SPOCK3: variants seen among roughly 807,000 people sequenced by gnomAD.
SPOCK3 encodes SPARC (osteonectin), cwcv and kazal like domains proteoglycan 3, also known as testican-3.
Under a neutral mutation model 56.6 loss-of-function variants are expected in SPOCK3, and 30 were observed. The ratio of observed to expected loss-of-function variants is 0.53; its 90% CI spans 0.40 to 0.72. SPOCK3 has a LOEUF of 0.72. SPOCK3 is among the 30% of genes least tolerant of loss of function. The probability of loss-of-function intolerance (pLI) is 0.00; values close to 1 mark genes in which losing one functional copy is unlikely to be tolerated. For missense variants in SPOCK3, 527 were observed against 530.0 expected, an observed-to-expected ratio of 0.99 and a Z score of 0.06; for synonymous variants, 196 against 183.3, an observed-to-expected ratio of 1.07 and a Z score of -0.56.
intron 2 of SPOCK3, among the ~76,000 whole-genome samples, chr4:167,203,217 C>A (rs1429165271): frequency 6.6e-6 from 1 of 151,684 alleles, no homozygotes; most frequent in Admixed American, 6.6e-5. Context: ...AATATAAGGT[C>A]ATGAAAAATT....
intron 2 of SPOCK3, among the ~76,000 whole-genome samples, chr4:167,143,222 C>T (rs1763675343): frequency 6.6e-6 from 1 of 151,894 alleles, no homozygotes; most frequent in Non-Finnish European, 1.5e-5. Context: ...ACCACACATC[C>T]CTCCCACATT....
chr4:167,185,329 C>T (rs1192700694), intron 2 of SPOCK3, among the ~76,000 whole-genome samples: 1 of 152,060 alleles, frequency 6.6e-6, no homozygotes, highest in African/African-American at 2.4e-5. Flanking sequence ...TGTAATATTC[C>T]CACCATTGAT....
Position 166,800,043 on chromosome 4 carries a change from G to A in SPOCK3, c.590-7754C>T, listed in dbSNP as rs12645340. Among the ~76,000 whole-genome samples, 393 of 151,790 alleles carry A rather than the reference G, an allele frequency of 2.6e-3. 10 individuals carry two copies. The East Asian group carries it at 0.06, about 23-fold the overall frequency. On this transcript the variant is annotated intron_variant, in intron 6 of 10. Coordinates refer to ENST00000357545, the MANE Select transcript of SPOCK3 (RefSeq NM_001040159.2). ...AAACATACAAAAAAATTAGCCGGGC[G>A]TGGTGGCGGGTGCCTGTAGTCCCAG...
intron 4 of SPOCK3, among the ~76,000 whole-genome samples, chr4:166,949,323 G>A (rs904559507): frequency 6.6e-6 from 1 of 152,166 alleles, no homozygotes; most frequent in East Asian, 1.9e-4. Context: ...ATCGTCTGAA[G>A]CCTTCTTCTC....
intron 3 of SPOCK3, among the ~76,000 whole-genome samples, chr4:167,026,121 T>A (rs1310320084): frequency 6.6e-6 from 1 of 152,132 alleles, no homozygotes; most frequent in Admixed American, 6.6e-5. Flanking sequence ...CCATCCTATA[T>A]GTGGTCTGTT....
intron 6 of SPOCK3, among the ~76,000 whole-genome samples, chr4:166,830,833 GACTA>G (rs1242085489): frequency 6.6e-6 from 1 of 152,090 alleles, no homozygotes; most frequent in Non-Finnish European, 1.5e-5. Context: ...ACCAAGGACA[GACTA>G]ACATCTAAAA....
chr4:167,081,581 G>A (rs1433343626), intron 2 of SPOCK3, among the ~76,000 whole-genome samples: 1 of 151,934 alleles, frequency 6.6e-6, no homozygotes, highest in East Asian at 1.9e-4. Flanking sequence ...ACCAAGGATG[G>A]AAAAATACTT....
At chr4:167,063,114 GA>G (rs1303981633) in intron 2 of SPOCK3, among the ~76,000 whole-genome samples, 2 of 151,772 alleles carry the variant, frequency 1.3e-5, no homozygotes, top group East Asian at 1.9e-4. Context: ...TCTAGAGGTT[GA>G]AAAGAATGCA....
chr4:167,051,924 C>A (rs552561512), intron 3 of SPOCK3, among the ~76,000 whole-genome samples: 2 of 152,164 alleles, frequency 1.3e-5, no homozygotes, highest in Non-Finnish European at 2.9e-5. Flanking sequence ...TGATTAACTT[C>A]CTGCTCTATA....
intron 2 of SPOCK3, among the ~76,000 whole-genome samples, chr4:167,208,176 T>A (rs1365563484): frequency 1.3e-5 from 2 of 152,120 alleles, no homozygotes; most frequent in Admixed American, 1.3e-4. Context: ...CTTAAAATAT[T>A]TGTCTTTGAA....
At chr4:167,089,647 G>T (rs1288300879) in intron 2 of SPOCK3, among the ~76,000 whole-genome samples, 1 of 152,050 alleles carries the variant, frequency 6.6e-6, no homozygotes, top group African/African-American at 2.4e-5. Flanking sequence ...TTTATGGGAG[G>T]TCTAATTTAT....
At chr4:166,743,134 T>A (rs1735082280) in intron 8 of SPOCK3, among the ~76,000 whole-genome samples, 1 of 152,056 alleles carries the variant, frequency 6.6e-6, no homozygotes, top group Non-Finnish European at 1.5e-5. Flanking sequence ...ATATACAGTC[T>A]TATCTGAAAG....
rs998206633 is a variant in SPOCK3 at position 167,234,106 on chromosome 4, G to A, written c.68C>T (p.Ala23Val). The A allele has an allele frequency of 1.9e-6, 3 of 1,613,952 alleles. No individual in the cohort carries two copies. The highest frequency in any genetic ancestry group is 2.5e-6 in the Non-Finnish European group (3 of 1,179,998). ...AAWCSQSLAA[A>V]AAVAAAGGRS... ...CCCCCCGGCTGCAGCCACCGCCGCGGCAGCTGCGAGAGACTGACTGCACCA... is the reference window on the plus strand; with the variant it reads ...CCCCCCGGCTGCAGCCACCGCCGCGACAGCTGCGAGAGACTGACTGCACCA... The change falls in exon 2 of 11, where the codon GCC (alanine) becomes GTC (valine). Residue 23 changes from alanine (A) to valine (V), a missense_variant. By Grantham distance (64) the Ala-to-Val change is moderately conservative. Transcript: ENST00000357545.
At position 166,786,630 on chromosome 4, in the gene SPOCK3, T is replaced by TTTAC. The variant is rs1740756159; in HGVS notation, c.709+5539_709+5540insGTAA. Among the ~76,000 whole-genome samples, 8 of 152,340 alleles carry TTTAC rather than the reference T, an allele frequency of 5.3e-5. No individual in the cohort carries two copies. In the South Asian group the frequency reaches 1.7e-3, roughly 32 times the overall value. On this transcript the variant is annotated intron_variant, in intron 7 of 10. Transcript: ENST00000357545. ...AGAAAATAGGTTAAAGTCTAAAGAC[T>TTTAC]AACTTAAATATAACAAGTAGTCAAT...
At chr4:167,138,835 A>G (rs934580262) in intron 2 of SPOCK3, among the ~76,000 whole-genome samples, 1 of 151,982 alleles carries the variant, frequency 6.6e-6, no homozygotes, top group Admixed American at 6.6e-5. Flanking sequence ...CTCTTATTTG[A>G]GATATTTTTA....
In SPOCK3 at chr4:167,188,768, G is replaced by A. The variant is rs940279059; in HGVS notation, c.189+45217C>T. Among the ~76,000 whole-genome samples, 15 of 146,020 alleles carry A rather than the reference G, an allele frequency of 1.0e-4. 1 individual carries two copies. The highest frequency in any genetic ancestry group is 3.7e-4 in the African/African-American group (14 of 38,266). ...GCTAATATAAAGAAAGCCAGAGGGA[G>A]CATTACTATAGATCTTATGACATTA... On this transcript the variant is annotated intron_variant, in intron 2 of 10. Coordinates refer to ENST00000357545, the MANE Select transcript of SPOCK3 (RefSeq NM_001040159.2).
At chr4:167,127,310 G>A (rs754597000) in intron 2 of SPOCK3, among the ~76,000 whole-genome samples, 24 of 151,676 alleles carry the variant, frequency 1.6e-4, no homozygotes, top group Non-Finnish European at 3.2e-4. Flanking sequence ...GATTTCTTCT[G>A]TACTTAGTTG....
chr4:166,982,687 T>A (rs935917463), intron 4 of SPOCK3, among the ~76,000 whole-genome samples: 2 of 152,262 alleles, frequency 1.3e-5, no homozygotes, highest in Non-Finnish European at 2.9e-5. Context: ...TGGATTTTTT[T>A]ATTATGTTTA....
chr4:166,840,244 C>G (rs571485848), intron 6 of SPOCK3, among the ~76,000 whole-genome samples: 1 of 152,138 alleles, frequency 6.6e-6, no homozygotes, highest in East Asian at 1.9e-4. Flanking sequence ...TTCCAGCTCC[C>G]TACACAGCAT....
Sources: allele counts gnomAD v4.1 joint callset (sites outside exome capture counted in the v4.1 genomes callset), GRCh38; gene constraint gnomAD v4.1.1; transcripts MANE v1.5; gene names NCBI Gene and HGNC (gene_info 2026-07-23, HGNC 2026-07-21).